The following ELP1 variants were observed in gnomAD, a reference collection of about 807,000 sequenced individuals.
ELP1 encodes the protein elongator complex protein 1.
In ELP1, 131 loss-of-function variants were observed where a neutral mutation model predicts 183.2. The observed-to-expected ratio is 0.72, with a 90% CI of 0.62 to 0.83. The LOEUF is 0.83. ELP1 is among the 40% of genes least tolerant of loss of function. The probability of loss-of-function intolerance (pLI) is 0.00; values close to 1 mark genes in which losing one functional copy is unlikely to be tolerated. For missense variants in ELP1, 1,550 were observed against 1,594.9 expected, an observed-to-expected ratio of 0.97 and a Z score of 0.48; for synonymous variants, 555 against 569.0, an observed-to-expected ratio of 0.98 and a Z score of 0.35.
intron 7 of ELP1, among the ~76,000 whole-genome samples, 154 bp downstream of exon 7, chr9:108,919,099 T>C (rs1053192806): frequency 1.3e-5 from 2 of 152,156 alleles, no homozygotes; most frequent in Non-Finnish European, 2.9e-5. Context: ...CTCTTCTAAT[T>C]CTTAACTCTA....
chr9:108,920,869 T>TA, intron 6 of ELP1, among the ~76,000 whole-genome samples: 1 of 152,254 alleles, frequency 6.6e-6, no homozygotes, highest in Admixed American at 6.5e-5. Flanking sequence ...TTTCCCCCAT[T>TA]ACCTGGATCA....
chr9:108,898,644 A>G lies in ELP1; in HGVS notation c.2283+27T>C, dbSNP rs764630263. 10 of 1,595,560 alleles carry G rather than the reference A, an allele frequency of 6.3e-6. No homozygotes were observed. The South Asian group carries it at 6.6e-5, about 11-fold the overall frequency. On this transcript the variant is annotated intron_variant, in intron 21 of 36. Coordinates refer to ENST00000374647, the MANE Select transcript of ELP1 (RefSeq NM_003640.5). Reference sequence around the variant, plus strand: ...TATTAGTTTAAGTACAAAGTAAGCTAGAGTAAATGACAGCTTAGAAAGTTA... The same window carrying G: ...TATTAGTTTAAGTACAAAGTAAGCTGGAGTAAATGACAGCTTAGAAAGTTA...
At chr9:108,926,310 C>T (rs1023146736) in intron 5 of ELP1, among the ~76,000 whole-genome samples, 1 of 152,202 alleles carries the variant, frequency 6.6e-6, no homozygotes, top group Non-Finnish European at 1.5e-5. Flanking sequence ...TAATAACTAT[C>T]TAAGTGACCT....
intron 24 of ELP1, 87 bp downstream of exon 24, chr9:108,896,866 G>T: frequency 8.0e-7 from 1 of 1,256,172 alleles, no homozygotes; most frequent in Non-Finnish European, 1.2e-6. Context: ...AATCTGTGGT[G>T]TGGCAATGAC....
chr9:108,901,346 T>C, intron 18 of ELP1, 79 bp downstream of exon 18: 2 of 1,025,666 alleles, frequency 1.9e-6, no homozygotes, highest in Non-Finnish European at 1.5e-6. Flanking sequence ...CCAAAATAAA[T>C]GAAGAATTCA....
At chr9:108,910,543 G>C (rs140332631) in intron 12 of ELP1, among the ~76,000 whole-genome samples, 214 of 152,250 alleles carry the variant, frequency 1.4e-3, no homozygotes, top group Non-Finnish European at 2.1e-3. Context: ...AGTGGATTAG[G>C]AGCTAGAACA....
Position 108,906,492 on chromosome 9 carries a change from T to C in ELP1, c.1461-7A>G, listed in dbSNP as rs762657303. Reference sequence around the variant, plus strand: ...ATTATTCTCAAACTGGATTCTATTGTAAATATTGAAGAATATCCAAGACAT... The same window carrying C: ...ATTATTCTCAAACTGGATTCTATTGCAAATATTGAAGAATATCCAAGACAT... On this transcript the variant is annotated splice_polypyrimidine_tract_variant and splice_region_variant and intron_variant, in intron 13 of 36. Transcript: ENST00000374647. 5.0e-6 allele frequency: 8 copies of C among 1,610,714 alleles called. No homozygotes were observed. Among genetic ancestry groups the C allele is most frequent in the Non-Finnish European group, 6.8e-6 (8 of 1,176,926 alleles).
intron 29 of ELP1, among the ~76,000 whole-genome samples, chr9:108,887,003 G>A (rs1012758661): frequency 1.3e-5 from 2 of 151,594 alleles, no homozygotes; most frequent in African/African-American, 4.8e-5. Flanking sequence ...GAATCCAACA[G>A]TTCAAGACCA....
rs539141671 is a variant in ELP1, at chr9:108,903,664, G to C, written c.1649C>G (p.Ser550Cys). 1.8e-5 allele frequency: 29 copies of C among 1,612,492 alleles called. No individual in the cohort carries two copies. In the South Asian group the frequency reaches 2.9e-4, roughly 16 times the overall value. Reference sequence around the variant, plus strand: ...GATTATGACCCCATCCACCGCTGCAGATGAACTGACAAAAAAAAGGAGAAG... The same window carrying C: ...GATTATGACCCCATCCACCGCTGCACATGAACTGACAAAAAAAAGGAGAAG... ...EEHGQLNVSSSAAVDGVIISL... is the reference protein window; with the variant it reads ...EEHGQLNVSSCAAVDGVIISL... Residue 550 changes from serine to cysteine, a missense_variant, in exon 15 of 37, where the codon TCT becomes TGT. Physicochemically the swap from Ser to Cys is moderately radical, Grantham distance 112. Transcript: ENST00000374647.
intron 26 of ELP1, 50 bp from the exon 27 acceptor site, chr9:108,893,133 A>G (rs895076475): frequency 5.3e-5 from 68 of 1,277,498 alleles, no homozygotes; most frequent in Non-Finnish European, 7.0e-5. Context: ...TGGGAAGCAT[A>G]ATGGACTTCA....
chr9:108,922,538 G>A (rs1829681738), intron 6 of ELP1, among the ~76,000 whole-genome samples: 1 of 152,214 alleles, frequency 6.6e-6, no homozygotes, highest in Non-Finnish European at 1.5e-5. Flanking sequence ...GAAGGGGAGG[G>A]ACATCGGGAC....
intron 22 of ELP1, 81 bp downstream of exon 22, chr9:108,898,421 C>T: frequency 1.1e-6 from 1 of 913,626 alleles, no homozygotes; most frequent in Non-Finnish European, 1.7e-6. Flanking sequence ...TTTTTCTTCT[C>T]TAGCTATTTA....
At position 108,906,250 on chromosome 9, in the gene ELP1, A is replaced by G. The variant is rs1587902314; in HGVS notation, c.1643+53T>C. The G allele has an allele frequency of 2.5e-6, 4 of 1,591,738 alleles. No homozygotes were observed. The East Asian group carries it at 8.9e-5, about 36-fold the overall frequency. On this transcript the variant is annotated intron_variant, in intron 14 of 36. Coordinates refer to ENST00000374647, the MANE Select transcript of ELP1 (RefSeq NM_003640.5). Reference sequence around the variant, plus strand: ...AAAAGTTGTATGCTCATAAAAGACAAAAACCTAACTCCATTTGCTTAACAT... The same window carrying G: ...AAAAGTTGTATGCTCATAAAAGACAGAAACCTAACTCCATTTGCTTAACAT...
At chr9:108,900,789 G>A (rs1006746164) in intron 18 of ELP1, among the ~76,000 whole-genome samples, 2 of 142,356 alleles carry the variant, frequency 1.4e-5, no homozygotes, top group African/African-American at 2.6e-5. Flanking sequence ...ACACATACAC[G>A]CCACACACAC....
intron 29 of ELP1, among the ~76,000 whole-genome samples, chr9:108,884,216 T>C (rs1047170922): frequency 1.3e-5 from 2 of 152,164 alleles, no homozygotes; most frequent in African/African-American, 2.4e-5. Context: ...AATACATCTA[T>C]AACATACTCA....
chr9:108,918,695 G>A, intron 8 of ELP1, 116 bp downstream of exon 8: 1 of 793,786 alleles, frequency 1.3e-6, no homozygotes, highest in Non-Finnish European at 2.3e-6. Context: ...ATAACCAAAT[G>A]AAGAAACGTA....
chr9:108,929,409 A>C (rs930341058), intron 3 of ELP1, among the ~76,000 whole-genome samples: 12 of 152,228 alleles, frequency 7.9e-5, no homozygotes, highest in African/African-American at 2.9e-4. Flanking sequence ...AATCTAAGTC[A>C]GATAAACAAA....
At chr9:108,882,816 C>CTAGGA in intron 29 of ELP1, among the ~76,000 whole-genome samples, 1 of 152,166 alleles carries the variant, frequency 6.6e-6, no homozygotes, top group Non-Finnish European at 1.5e-5. Context: ...TGGTCTTGAA[C>CTAGGA]TCCTAGCCTC....
intron 36 of ELP1, among the ~76,000 whole-genome samples, chr9:108,870,096 C>T (rs573844606): frequency 1.3e-5 from 2 of 152,276 alleles, no homozygotes; most frequent in South Asian, 4.1e-4. Context: ...CTGCCTCAGC[C>T]TCCCAAGTAG....
Sources: gnomAD v4.1 joint callset for allele counts (sites outside exome capture counted in the v4.1 genomes callset) on GRCh38, gnomAD v4.1.1 for gene constraint, MANE v1.5 for transcripts, NCBI Gene and HGNC (gene_info 2026-07-23, HGNC 2026-07-21) for gene names.